GABRR1: variants seen among roughly 807,000 people sequenced by gnomAD.
The protein encoded by GABRR1 is gamma-aminobutyric acid receptor subunit rho-1.
In GABRR1, 59 loss-of-function variants were observed where a neutral mutation model predicts 55.5. The ratio of observed to expected loss-of-function variants is 1.06; its 90% CI spans 0.86 to 1.32. The LOEUF is 1.32. Ranked by LOEUF, GABRR1 falls within the 40% of genes most tolerant of loss-of-function variation. The probability of loss-of-function intolerance (pLI) is 0.00; values close to 1 mark genes in which losing one functional copy is unlikely to be tolerated. For synonymous variants in GABRR1, 213 were observed against 226.0 expected, an observed-to-expected ratio of 0.94 and a Z score of 0.51; for missense variants, 602 against 619.1, an observed-to-expected ratio of 0.97 and a Z score of 0.29.
At chr6:89,202,623 C>T (rs1772513406) in intron 2 of GABRR1, among the ~76,000 whole-genome samples, 1 of 152,012 alleles carries the variant, frequency 6.6e-6, no homozygotes, top group African/African-American at 2.4e-5. Flanking sequence ...TCTTGTCTAT[C>T]TGACCAGAGT....
At chr6:89,185,921 A>C (rs1455377725) in intron 6 of GABRR1, among the ~76,000 whole-genome samples, 6 of 152,230 alleles carry the variant, frequency 3.9e-5, no homozygotes, top group Non-Finnish European at 8.8e-5. Flanking sequence ...AATTTTAGCA[A>C]GAAAAGATCC....
At chr6:89,197,673 A>G (rs1261663983) in intron 5 of GABRR1, among the ~76,000 whole-genome samples, 1 of 152,302 alleles carries the variant, frequency 6.6e-6, no homozygotes. Flanking sequence ...TTTTTTAACC[A>G]AAGTTCTAAA....
Position 89,210,657 on chromosome 6 carries a change from T to C in GABRR1, c.122+6544A>G, listed in dbSNP as rs909469355. Among the ~76,000 whole-genome samples, 3 of 152,092 alleles carry C rather than the reference T, an allele frequency of 2.0e-5. No individual in the cohort carries two copies. The South Asian group carries it at 6.2e-4, about 32-fold the overall frequency. ...CCTGGAGTATAGTGCCCTCAATACA[T>C]ATTTGTTGAATGAATGAATGAAGTA... is the stretch of plus-strand genomic sequence containing the variant. On this transcript the variant is annotated intron_variant, in intron 1 of 9. Transcript: ENST00000454853.
chr6:89,182,730 A>C (rs389702), intron 7 of GABRR1, among the ~76,000 whole-genome samples: 6 of 151,692 alleles, frequency 4.0e-5, no homozygotes, highest in Admixed American at 3.9e-4. Flanking sequence ...CAATATTCTC[A>C]GCTGGGCGCG....
chr6:89,197,372 C>A (rs1330318500), intron 5 of GABRR1, among the ~76,000 whole-genome samples: 1 of 152,210 alleles, frequency 6.6e-6, no homozygotes, highest in Non-Finnish European at 1.5e-5. Context: ...TGCTCATCTC[C>A]ATGTGCCTTG....
intron 1 of GABRR1, among the ~76,000 whole-genome samples, chr6:89,208,703 G>A (rs1351003263): frequency 6.6e-6 from 1 of 152,258 alleles, no homozygotes; most frequent in East Asian, 1.9e-4. Context: ...CTGCTGGTCT[G>A]CCCTGCAGAT....
At chr6:89,192,547 CTCTTCT>C (rs559452823) in intron 5 of GABRR1, among the ~76,000 whole-genome samples, 2 of 150,144 alleles carry the variant, frequency 1.3e-5, no homozygotes, top group Non-Finnish European at 3.0e-5. Flanking sequence ...CCTCTTCTTC[CTCTTCT>C]TCTTCTTCTT....
At chr6:89,209,125 T>C (rs2127804709) in intron 1 of GABRR1, among the ~76,000 whole-genome samples, 1 of 151,830 alleles carries the variant, frequency 6.6e-6, no homozygotes, top group East Asian at 1.9e-4. Context: ...AGATAAAATC[T>C]CAGCCTATCA....
chr6:89,220,265 G>C (rs556868658), upstream of GABRR1, among the ~76,000 whole-genome samples: 1 of 152,174 alleles, frequency 6.6e-6, no homozygotes, highest in Admixed American at 6.5e-5. Context: ...CCTCAAACAC[G>C]CATTTCCTAC....
rs769735801 is a variant in GABRR1, at chr6:89,201,273, G to T, written c.174-8C>A. 8.1e-6 allele frequency: 13 copies of T among 1,598,800 alleles called. No homozygotes were observed. Among genetic ancestry groups the T allele is most frequent in the South Asian group, 1.1e-5 (1 of 90,662 alleles). On this transcript the variant is annotated splice_region_variant and splice_polypyrimidine_tract_variant and intron_variant, in intron 2 of 9. Coordinates refer to ENST00000454853, the MANE Select transcript of GABRR1 (RefSeq NM_002042.5). ...CTTCGTCTCAGAATTGGGCTGCCAAGGGGGAAGAAACCAGGCTGATCATAT... is the reference window on the plus strand; with the variant it reads ...CTTCGTCTCAGAATTGGGCTGCCAATGGGGAAGAAACCAGGCTGATCATAT...
chr6:89,210,822 G>T (rs550305799), intron 1 of GABRR1, among the ~76,000 whole-genome samples: 1 of 152,016 alleles, frequency 6.6e-6, no homozygotes, highest in Non-Finnish European at 1.5e-5. Context: ...AGAAAAATGA[G>T]ATAAAAAAGG....
rs554667608 is a variant in GABRR1, at chr6:89,200,283, C to A, written c.281-854G>T. ...TTTTTTTTGGAGACAGAGTCTCACT[C>A]TGTTGCCCAGGCTGGAGTACAGTGG... On this transcript the variant is annotated intron_variant, in intron 3 of 9. Coordinates refer to ENST00000454853, the MANE Select transcript of GABRR1 (RefSeq NM_002042.5). Among the ~76,000 whole-genome samples, 4 of 115,536 alleles carry A rather than the reference C, an allele frequency of 3.5e-5. No individual in the cohort carries two copies. In the South Asian group the frequency reaches 1.2e-3, roughly 34 times the overall value. The allele number at this position is 115,536 out of a possible 152,430, so 75.8% of individuals were successfully genotyped here.
At chr6:89,216,607 G>A (rs1172255848) in intron 1 of GABRR1, among the ~76,000 whole-genome samples, 4 of 152,184 alleles carry the variant, frequency 2.6e-5, no homozygotes, top group Non-Finnish European at 5.9e-5. Context: ...CTCTGCAAGT[G>A]CTGGCAGACA....
chr6:89,220,234 C>T (rs1039865025), upstream of GABRR1, among the ~76,000 whole-genome samples: 2 of 152,138 alleles, frequency 1.3e-5, no homozygotes, highest in Non-Finnish European at 2.9e-5. Context: ...TGGGCATAAC[C>T]AAAGAGAGCA....
upstream of GABRR1, among the ~76,000 whole-genome samples, chr6:89,219,637 C>T (rs2127810524): frequency 6.6e-6 from 1 of 152,296 alleles, no homozygotes; most frequent in Non-Finnish European, 1.5e-5. Context: ...GGATGTATGA[C>T]TTTGATTGTC....
At chr6:89,230,833 TG>T (rs1189063898) in intron 1 of GABRR1, among the ~76,000 whole-genome samples, 2 of 150,642 alleles carry the variant, frequency 1.3e-5, no homozygotes, top group African/African-American at 4.9e-5. Flanking sequence ...TAAGCAAGCC[TG>T]GGCAATGGCG....
chr6:89,178,720 T>C lies in GABRR1; in HGVS notation c.*50A>G. 3 of 1,491,836 alleles carry C rather than the reference T, an allele frequency of 2.0e-6. No individual in the cohort carries two copies. Among genetic ancestry groups the C allele is most frequent in the Non-Finnish European group, 2.8e-6 (3 of 1,073,050 alleles). 92.4% of individuals were successfully genotyped at this position (1,491,836 alleles called of 1,614,324 possible). Reference sequence around the variant, plus strand: ...TAAATACTTTTTCATTATACAGTTATTTCTGTAGTGCATGCCATGGAAATG... The same window carrying C: ...TAAATACTTTTTCATTATACAGTTACTTCTGTAGTGCATGCCATGGAAATG... On this transcript the variant is annotated 3_prime_UTR_variant, in exon 10 of 10. Coordinates refer to ENST00000454853, the MANE Select transcript of GABRR1 (RefSeq NM_002042.5).
intron 1 of GABRR1, among the ~76,000 whole-genome samples, chr6:89,208,833 C>T (rs928919747): frequency 6.6e-6 from 1 of 152,240 alleles, no homozygotes; most frequent in Non-Finnish European, 1.5e-5. Context: ...AGTGCGAACA[C>T]TCCTTGACCC....
chr6:89,229,613 G>A lies in GABRR1; in HGVS notation c.-411+1603C>T, dbSNP rs1358157651. Among the ~76,000 whole-genome samples, 444 of 125,758 alleles carry A rather than the reference G, an allele frequency of 3.5e-3. 4 individuals are homozygous for A. Among genetic ancestry groups the A allele is most frequent in the African/African-American group, 0.012 (422 of 34,002 alleles). The allele number at this position is 125,758 out of a possible 152,430, so 82.5% of individuals were successfully genotyped here. On this transcript the variant is annotated intron_variant, in intron 1 of 11. Transcript: ENST00000369451. ...GCCCCCACTCTCTTCTGGCTTGTAG[G>A]GTTTCTGCGGAGAGATCCGCTGTTA...
Sources: allele counts gnomAD v4.1 joint callset (sites outside exome capture counted in the v4.1 genomes callset), GRCh38; gene constraint gnomAD v4.1.1; transcripts MANE v1.5; gene names NCBI Gene and HGNC (gene_info 2026-07-23, HGNC 2026-07-21).